TSPAN11: variants seen among roughly 807,000 people sequenced by gnomAD.
TSPAN11 encodes the protein tetraspanin 11.
In TSPAN11, 29 loss-of-function variants were observed where a neutral mutation model predicts 32.9. That is an observed-to-expected ratio of 0.88 (90% CI 0.66 to 1.20). The LOEUF (loss-of-function observed/expected upper bound fraction) is 1.20. TSPAN11 is among the 50% of genes most tolerant of loss of function. TSPAN11 has a pLI of 0.00. For synonymous variants in TSPAN11, 140 were observed against 141.3 expected, an observed-to-expected ratio of 0.99 and a Z score of 0.07; for missense variants, 283 against 329.1, an observed-to-expected ratio of 0.86 and a Z score of 1.08.
chr12:30,944,284 T>C (rs979569738), intron 1 of TSPAN11, among the ~76,000 whole-genome samples: 2 of 152,180 alleles, frequency 1.3e-5, no homozygotes, highest in African/African-American at 4.8e-5. Flanking sequence ...AGGAATACAA[T>C]ATATTATTAA....
chr12:30,966,392 G>T (rs985694416), intron 3 of TSPAN11, among the ~76,000 whole-genome samples: 28 of 152,220 alleles, frequency 1.8e-4, no homozygotes, highest in Admixed American at 1.3e-4. Context: ...ATGTAGGGAT[G>T]TGGAGGCAGA....
At chr12:30,955,675 G>A (rs971631523) in intron 2 of TSPAN11, among the ~76,000 whole-genome samples, 8 of 152,008 alleles carry the variant, frequency 5.3e-5, no homozygotes, top group Non-Finnish European at 1.0e-4. Context: ...ATCTTTCCTC[G>A]CCTCACCCCA....
At chr12:30,957,303 G>C (rs1218781318) in intron 2 of TSPAN11, among the ~76,000 whole-genome samples, 1 of 148,198 alleles carries the variant, frequency 6.7e-6, no homozygotes, top group Non-Finnish European at 1.5e-5. Flanking sequence ...GGTCACAGTC[G>C]AGGGGGATAT....
At chr12:31,007,310 C>T in the TSPAN11 span, among the ~76,000 whole-genome samples, 109 of 152,168 alleles carry the variant, frequency 7.2e-4, no homozygotes, top group Non-Finnish European at 1.1e-3. Flanking sequence ...GACCACAGCC[C>T]GGGTACAGGG....
chr12:31,012,678 ACCT>A, the TSPAN11 span: 1 of 151,910 alleles, frequency 6.6e-6, no homozygotes, highest in Non-Finnish European at 1.5e-5. Flanking sequence ...GCTACTCCTC[ACCT>A]CCCACTTCTC....
intron 1 of TSPAN11, among the ~76,000 whole-genome samples, chr12:30,942,006 A>T (rs1306333649): frequency 6.6e-6 from 1 of 152,158 alleles, no homozygotes; most frequent in Non-Finnish European, 1.5e-5. Context: ...TTTCATGGCC[A>T]CTTGGGAACA....
chr12:30,941,345 A>T (rs570758191), intron 1 of TSPAN11, among the ~76,000 whole-genome samples: 5 of 152,330 alleles, frequency 3.3e-5, no homozygotes, highest in African/African-American at 9.6e-5. Flanking sequence ...ACCATGCCTG[A>T]TGCATGGTAC....
the TSPAN11 span, among the ~76,000 whole-genome samples, chr12:31,007,183 T>C: frequency 6.6e-6 from 1 of 152,210 alleles, no homozygotes; most frequent in African/African-American, 2.4e-5. Context: ...CCTGGGTTCA[T>C]ATCTTACCCA....
At chr12:30,967,041 T>G (rs893199851) in intron 3 of TSPAN11, among the ~76,000 whole-genome samples, 14 of 152,266 alleles carry the variant, frequency 9.2e-5, no homozygotes, top group African/African-American at 2.9e-4. Flanking sequence ...AATTATTGGA[T>G]TTTTTGGAGA....
At chr12:30,981,898 G>A (rs776947954) in intron 5 of TSPAN11, among the ~76,000 whole-genome samples, 3 of 152,142 alleles carry the variant, frequency 2.0e-5, no homozygotes, top group Admixed American at 6.5e-5. Context: ...TCTCAGTGCC[G>A]CAACTGGGAA....
chr12:30,940,859 AG>A (rs1197629624), intron 1 of TSPAN11, among the ~76,000 whole-genome samples: 1 of 152,192 alleles, frequency 6.6e-6, no homozygotes, highest in Non-Finnish European at 1.5e-5. Flanking sequence ...GCCACCTGTC[AG>A]ATAAGTGGTG....
intron 1 of TSPAN11, 132 bp from the exon 2 acceptor site, chr12:30,953,849 C>A: frequency 3.2e-6 from 2 of 630,810 alleles, no homozygotes; most frequent in Non-Finnish European, 2.8e-6. Context: ...GCTGCACATG[C>A]AGAGCCTCAA....
At chr12:30,939,839 A>C (rs2241323) in intron 1 of TSPAN11, among the ~76,000 whole-genome samples, 10,756 of 152,186 alleles carry the variant, frequency 0.071, 993 homozygotes, top group African/African-American at 0.21. Context: ...CCCGATTACA[A>C]CCTCAGGTGT....
chr12:30,990,126 CGTG>C (rs372875934), intron 7 of TSPAN11, among the ~76,000 whole-genome samples: 201 of 149,790 alleles, frequency 1.3e-3, no homozygotes, highest in African/African-American at 4.7e-3. Flanking sequence ...CATGCTTCAG[CGTG>C]GTGTTCACGT....
At chr12:30,985,572 C>T (rs963324897) in intron 7 of TSPAN11, among the ~76,000 whole-genome samples, 4 of 152,096 alleles carry the variant, frequency 2.6e-5, no homozygotes, top group Non-Finnish European at 4.4e-5. Context: ...GGAGAAGGTA[C>T]GCTCAGCAGC....
chr12:30,959,432 A>T (rs374624293), intron 2 of TSPAN11, among the ~76,000 whole-genome samples: 10 of 152,302 alleles, frequency 6.6e-5, no homozygotes, highest in African/African-American at 2.2e-4. Context: ...CCTGAGGCCC[A>T]CAGAGGCTGT....
chr12:30,943,860 G>A (rs1398805675), intron 1 of TSPAN11, among the ~76,000 whole-genome samples: 4 of 152,222 alleles, frequency 2.6e-5, no homozygotes, highest in Admixed American at 2.6e-4. Flanking sequence ...AAGGCTGTTG[G>A]CATGGGGTGT....
Position 30,991,879 on chromosome 12 carries a change from C to T in TSPAN11, c.726C>T (p.Cys242=). The T allele has an allele frequency of 6.2e-7, 1 of 1,614,194 alleles. No individual in the cohort carries two copies. The highest frequency in any genetic ancestry group is 8.5e-7 in the Non-Finnish European group (1 of 1,180,030). Residue 242 remains cysteine (C), a synonymous_variant, in exon 8 of 8, where the codon TGC becomes TGT. Transcript: ENST00000546076. ...AGATCTGCGGGATGGTTCTCACCTG[C>T]TGCTTGCACCAGAGGCTCCAGCGGC... The part of the protein sequence containing the change: ...CLQICGMVLT[C]CLHQRLQRHF...
Position 30,993,763 on chromosome 12 carries a change from G to A in TSPAN11, c.*1848G>A, listed in dbSNP as rs957324938. 2 of 152,304 alleles carry A rather than the reference G, an allele frequency of 1.3e-5. No individual in the cohort carries two copies. Among genetic ancestry groups the A allele is most frequent in the Non-Finnish European group, 2.9e-5 (2 of 68,068 alleles). The allele number at this position is 152,304 out of a possible 1,614,324, so 9.4% of individuals were successfully genotyped here. On this transcript the variant is annotated 3_prime_UTR_variant, in exon 8 of 8. Transcript: ENST00000546076. ...ATCACAACTGACAACTCTTACGACA[G>A]AGGGAGAGTGGTGAGAGAGAGAAAG... is the stretch of plus-strand genomic sequence containing the variant.
Sources: gnomAD v4.1 joint callset for allele counts (sites outside exome capture counted in the v4.1 genomes callset) on GRCh38, gnomAD v4.1.1 for gene constraint, MANE v1.5 for transcripts, NCBI Gene and HGNC (gene_info 2026-07-23, HGNC 2026-07-21) for gene names.